The following ERBB4 variants were observed in gnomAD, a reference collection of about 807,000 sequenced individuals.
The protein encoded by ERBB4 is receptor tyrosine-protein kinase erbB-4.
Under a neutral mutation model 158.0 loss-of-function variants are expected in ERBB4, and 42 were observed. The ratio of observed to expected loss-of-function variants is 0.27; its 90% CI spans 0.21 to 0.34. The LOEUF is 0.34. Ranked by LOEUF, ERBB4 falls within the 10% of genes least tolerant of loss-of-function variation. ERBB4 has a pLI of 1.00. For missense variants in ERBB4, 1,333 were observed against 1,624.1 expected (o/e 0.82, Z 3.08); for synonymous variants, 583 against 558.7 (o/e 1.04, Z -0.61).
intron 1 of ERBB4, among the ~76,000 whole-genome samples, chr2:212,229,076 G>A (rs1400146027): frequency 1.3e-5 from 2 of 152,200 alleles, no homozygotes; most frequent in African/African-American, 4.8e-5. Flanking sequence ...CATGGGAAGA[G>A]AGAGAGACAG....
chr2:211,522,756 C>CT (rs1364544161), intron 20 of ERBB4, among the ~76,000 whole-genome samples: 2 of 152,166 alleles, frequency 1.3e-5, no homozygotes, highest in African/African-American at 2.4e-5. Flanking sequence ...CGATCATTCT[C>CT]TTTTTTTAGC....
chr2:212,306,773 T>C (rs2086826792), intron 1 of ERBB4, among the ~76,000 whole-genome samples: 1 of 151,366 alleles, frequency 6.6e-6, no homozygotes, highest in Admixed American at 6.6e-5. Flanking sequence ...TTTATTCATA[T>C]TGTTTTTGGA....
intron 1 of ERBB4, among the ~76,000 whole-genome samples, chr2:212,473,896 A>T (rs1689239440): frequency 6.6e-6 from 1 of 152,160 alleles, no homozygotes; most frequent in South Asian, 2.1e-4. Flanking sequence ...GACAACATGA[A>T]ATTTAACCAT....
intron 1 of ERBB4, among the ~76,000 whole-genome samples, chr2:212,460,596 G>A (rs1430277041): frequency 6.6e-6 from 1 of 152,180 alleles, no homozygotes; most frequent in Non-Finnish European, 1.5e-5. Flanking sequence ...CTTTGAACTT[G>A]AGAGAGATGA....
rs142513320 is a variant in ERBB4, at chr2:211,774,261, G to A, written c.556+13764C>T. ...CTAATTTTCGTATTTTTGTAGAGACGGGGTTTCACCATGTTGGCCAGGCTG... is the reference window on the plus strand; with the variant it reads ...CTAATTTTCGTATTTTTGTAGAGACAGGGTTTCACCATGTTGGCCAGGCTG... On this transcript the variant is annotated intron_variant, in intron 4 of 27. Transcript: ENST00000342788. 7.1e-3 allele frequency among the ~76,000 whole-genome samples: 1,075 copies of A among 151,924 alleles called. 16 individuals are homozygous for A. Among genetic ancestry groups the A allele is most frequent in the African/African-American group, 0.024 (1,014 of 41,436 alleles).
At chr2:211,843,415 G>GCACACACACACA (rs10673889) in intron 3 of ERBB4, among the ~76,000 whole-genome samples, 1 of 149,822 alleles carries the variant, frequency 6.7e-6, no homozygotes, top group African/African-American at 2.5e-5. Context: ...GCGTGCGTGT[G>GCACACACACACA]CACACACACA....
chr2:211,380,064 A>T lies in ERBB4; in HGVS notation c.*3551T>A, dbSNP rs796189857. On this transcript the variant is annotated 3_prime_UTR_variant, in exon 28 of 28. Transcript: ENST00000342788. ...CACTATTCCTTCTCTTAAATTAGAT[A>T]TTCAGTCCTTCTCCCTAATCTACAA... 1.5e-4 allele frequency: 34 copies of T among 232,062 alleles called. No homozygotes were observed. The highest frequency in any genetic ancestry group is 7.5e-4 in the African/African-American group (34 of 45,368). The allele number at this position is 232,062 out of a possible 1,614,324, so 14.4% of individuals were successfully genotyped here.
intron 2 of ERBB4, among the ~76,000 whole-genome samples, chr2:212,042,285 C>A (rs2077159490): frequency 6.6e-6 from 1 of 152,074 alleles, no homozygotes; most frequent in South Asian, 2.1e-4. Context: ...TTCCTTTCTA[C>A]ATGCTGATCT....
Position 211,490,317 on chromosome 2 carries a change from T to C in ERBB4, c.2488-59217A>G, listed in dbSNP as rs557144380. 3.3e-5 allele frequency among the ~76,000 whole-genome samples: 5 copies of C among 152,084 alleles called. 1 individual carries two copies. Among genetic ancestry groups the C allele is most frequent in the South Asian group, 4.1e-4 (2 of 4,824 alleles). On this transcript the variant is annotated intron_variant, in intron 20 of 27. Transcript: ENST00000342788. The stretch of plus-strand genomic sequence containing the variant: ...ATGAAACTCATTATTTCTTTCTTTA[T>C]AGCATTTAGCCTAAATAAGTTATAT...
chr2:211,978,396 G>GTCTA (rs151243480), intron 2 of ERBB4, among the ~76,000 whole-genome samples: 19,503 of 136,200 alleles, frequency 0.14, 1,501 homozygotes, highest in South Asian at 0.16. Flanking sequence ...CTGTCTGTCT[G>GTCTA]TCTATCTATC....
chr2:211,571,636 C>G (rs1033280241), intron 19 of ERBB4, among the ~76,000 whole-genome samples: 1 of 152,096 alleles, frequency 6.6e-6, no homozygotes, highest in Non-Finnish European at 1.5e-5. Flanking sequence ...TTAGAATTAT[C>G]GGTGAAATGT....
At chr2:211,776,197 G>GT (rs1035282697) in intron 4 of ERBB4, among the ~76,000 whole-genome samples, 4 of 152,154 alleles carry the variant, frequency 2.6e-5, no homozygotes, top group African/African-American at 9.7e-5. Context: ...TTCAGCTGGA[G>GT]TTTTTTACAA....
At chr2:212,484,820 C>T (rs1281918448) in intron 1 of ERBB4, among the ~76,000 whole-genome samples, 1 of 152,198 alleles carries the variant, frequency 6.6e-6, no homozygotes, top group East Asian at 1.9e-4. Context: ...TTCATTTTCA[C>T]CCCTCCTGGA....
At position 212,430,910 on chromosome 2, in the gene ERBB4, T is replaced by C. The variant is rs60695460; in HGVS notation, c.82+107539A>G. Among the ~76,000 whole-genome samples, 278 of 151,788 alleles carry C rather than the reference T, an allele frequency of 1.8e-3. 1 individual carries two copies. The highest frequency in any genetic ancestry group is 6.0e-3 in the African/African-American group (249 of 41,398). ...AGACAAGGAGAGACAGAGACAAAGA[T>C]TGAGATTGTGGTGCTGAGTTTTAAT... On this transcript the variant is annotated intron_variant, in intron 1 of 27. Transcript: ENST00000342788.
In ERBB4 at chr2:211,381,415, A is replaced by G. The variant is rs1329721658; in HGVS notation, c.*2200T>C. Reference sequence around the variant, plus strand: ...ATTATCCTGTTTGTCAACATCAACAATTTGAAGGATGTTTAACTTATATCC... The same window carrying G: ...ATTATCCTGTTTGTCAACATCAACAGTTTGAAGGATGTTTAACTTATATCC... On this transcript the variant is annotated 3_prime_UTR_variant, in exon 28 of 28. Coordinates refer to ENST00000342788, the MANE Select transcript of ERBB4 (RefSeq NM_005235.3). 4.3e-6 allele frequency: 1 copy of G among 232,084 alleles called. No individual in the cohort carries two copies. Among genetic ancestry groups the G allele is most frequent in the African/African-American group, 2.2e-5 (1 of 45,306 alleles). 14.4% of individuals were successfully genotyped at this position (232,084 alleles called of 1,614,324 possible).
Position 211,420,411 on chromosome 2 carries a change from ATATGATATGTG to A in ERBB4, c.3135+19_3135+29del. ...TACATGATTTTATATCTCAGAAAGA[ATATGATATGTG>A]TATATAATTATTTCTTACCCTATTC... is the stretch of plus-strand genomic sequence containing the variant. On this transcript the variant is annotated intron_variant, in intron 25 of 27. Transcript: ENST00000342788. 6.9e-7 allele frequency: 1 copy of A among 1,454,614 alleles called. No individual in the cohort carries two copies. Among genetic ancestry groups the A allele is most frequent in the South Asian group, 1.2e-5 (1 of 86,852 alleles). 90.1% of individuals were successfully genotyped at this position (1,454,614 alleles called of 1,614,324 possible).
In ERBB4 at chr2:211,535,986, A is replaced by G. The variant is rs184094631; in HGVS notation, c.2487+25917T>C. On this transcript the variant is annotated intron_variant, in intron 20 of 27. Transcript: ENST00000342788. ...TACATTTCCCTGTTTTTTTAAATTT[A>G]AAGAACACCAAGAGTATACTGGAAA... 2.7e-5 allele frequency among the ~76,000 whole-genome samples: 4 copies of G among 148,454 alleles called. No homozygotes were observed. In the East Asian group the frequency reaches 6.1e-4, roughly 23 times the overall value.
chr2:211,392,527 G>C (rs1449441243), intron 25 of ERBB4, among the ~76,000 whole-genome samples: 1 of 148,964 alleles, frequency 6.7e-6, no homozygotes, highest in South Asian at 2.1e-4. Flanking sequence ...GATTCTGTGG[G>C]ACTCTACTTT....
At chr2:212,005,312 C>A (rs978870189) in intron 2 of ERBB4, among the ~76,000 whole-genome samples, 1 of 152,078 alleles carries the variant, frequency 6.6e-6, no homozygotes, top group Non-Finnish European at 1.5e-5. Context: ...GTACCACCTT[C>A]AATAGCACAG....
Sources: gnomAD v4.1 joint callset for allele counts (sites outside exome capture counted in the v4.1 genomes callset) on GRCh38, gnomAD v4.1.1 for gene constraint, MANE v1.5 for transcripts, NCBI Gene and HGNC (gene_info 2026-07-23, HGNC 2026-07-21) for gene names.